The following ARHGAP10 variants were observed in gnomAD, a reference collection of about 807,000 sequenced individuals.
ARHGAP10 encodes rho GTPase-activating protein 10.
Under a neutral mutation model 108.6 loss-of-function variants are expected in ARHGAP10, and 87 were observed. That is an observed-to-expected ratio of 0.80 (90% CI 0.67 to 0.96). The LOEUF is 0.96. Among genes scored for constraint, ARHGAP10 ranks in the 40% least tolerant of loss-of-function variants. The pLI is 0.00. For synonymous variants in ARHGAP10, 347 were observed against 341.1 expected (o/e 1.02, Z -0.19); for missense variants, 939 against 954.5 (o/e 0.98, Z 0.21).
At chr4:147,784,880 A>AAATAT (rs1553949729) in intron 1 of ARHGAP10, among the ~76,000 whole-genome samples, 1 of 119,432 alleles carries the variant, frequency 8.4e-6, no homozygotes. Context: ...TATATATTAT[A>AAATAT]AATATATTAT....
chr4:147,915,342 A>G (rs543742256), intron 13 of ARHGAP10, among the ~76,000 whole-genome samples: 1 of 152,358 alleles, frequency 6.6e-6, no homozygotes, highest in East Asian at 1.9e-4. Context: ...AGAATTTCAG[A>G]AAAAATCCCT....
At chr4:147,999,251 T>C (rs1413262140) in intron 18 of ARHGAP10, among the ~76,000 whole-genome samples, 1 of 152,226 alleles carries the variant, frequency 6.6e-6, no homozygotes, top group African/African-American at 2.4e-5. Context: ...GCCAATCATC[T>C]ATCACCTGAG....
intron 3 of ARHGAP10, among the ~76,000 whole-genome samples, chr4:147,837,267 G>T (rs1733207675): frequency 6.6e-6 from 1 of 152,152 alleles, no homozygotes; most frequent in Non-Finnish European, 1.5e-5. Context: ...TTAATTAGGG[G>T]AACTCTTGTG....
chr4:147,973,157 G>A (rs542593719), intron 18 of ARHGAP10, among the ~76,000 whole-genome samples: 1 of 151,756 alleles, frequency 6.6e-6, no homozygotes, highest in South Asian at 2.1e-4. Flanking sequence ...ATTTTTTTTT[G>A]TTGTTTTTGT....
intron 18 of ARHGAP10, among the ~76,000 whole-genome samples, chr4:148,016,280 G>T (rs74318231): frequency 6.6e-6 from 1 of 152,024 alleles, no homozygotes; most frequent in African/African-American, 2.4e-5. Flanking sequence ...GGGGTGGGAG[G>T]GTCACTTGAG....
chr4:147,860,318 T>G (rs1734262671), intron 5 of ARHGAP10, among the ~76,000 whole-genome samples: 1 of 152,166 alleles, frequency 6.6e-6, no homozygotes. Flanking sequence ...GGCAGGTGCC[T>G]GCAGTCCCAG....
chr4:147,744,529 T>C (rs1728824950), intron 1 of ARHGAP10, among the ~76,000 whole-genome samples: 2 of 151,678 alleles, frequency 1.3e-5, no homozygotes, highest in Admixed American at 6.6e-5. Flanking sequence ...GTTGTGCAAA[T>C]GAATCGGAGG....
chr4:147,839,680 G>A (rs1299776302), intron 3 of ARHGAP10, among the ~76,000 whole-genome samples: 1 of 152,180 alleles, frequency 6.6e-6, no homozygotes, highest in Non-Finnish European at 1.5e-5. Context: ...TCCAGTGTGG[G>A]GGAATGTAAA....
At chr4:147,942,744 G>C (rs889748195) in intron 14 of ARHGAP10, among the ~76,000 whole-genome samples, 1 of 152,158 alleles carries the variant, frequency 6.6e-6, no homozygotes, top group African/African-American at 2.4e-5. Context: ...CCAGGTAAAG[G>C]AGCAGGCAGC....
intron 19 of ARHGAP10, among the ~76,000 whole-genome samples, chr4:148,039,596 G>T (rs563600004): frequency 1.3e-5 from 2 of 151,606 alleles, no homozygotes; most frequent in South Asian, 2.1e-4. Context: ...CACCACACCC[G>T]GCCTAGGATA....
chr4:147,757,616 C>G (rs1470023229), intron 1 of ARHGAP10, among the ~76,000 whole-genome samples: 1 of 152,198 alleles, frequency 6.6e-6, no homozygotes, highest in Non-Finnish European at 1.5e-5. Context: ...TTGACAACTT[C>G]CATCCGTTCA....
intron 19 of ARHGAP10, among the ~76,000 whole-genome samples, chr4:148,043,614 A>AATTATATAT (rs1553975364): frequency 1.8e-5 from 1 of 54,978 alleles, no homozygotes. Context: ...CCCTCTCTCT[A>AATTATATAT]ATATATATAT....
chr4:147,839,519 C>T (rs1427591367), intron 3 of ARHGAP10, among the ~76,000 whole-genome samples: 2 of 152,190 alleles, frequency 1.3e-5, no homozygotes, highest in East Asian at 3.8e-4. Context: ...CTGACTTACT[C>T]AGTTTTACCT....
At position 147,747,520 on chromosome 4, in the gene ARHGAP10, C is replaced by T. The variant is rs1234416332; in HGVS notation, c.154+15065C>T. 3.3e-5 allele frequency among the ~76,000 whole-genome samples: 5 copies of T among 152,136 alleles called. 1 individual carries two copies. Among genetic ancestry groups the T allele is most frequent in the South Asian group, 4.1e-4 (2 of 4,820 alleles). On this transcript the variant is annotated intron_variant, in intron 1 of 22. Transcript: ENST00000336498. Reference sequence around the variant, plus strand: ...TCCCTTCAGGGCTGGACACCCTGACCGCCATGGAGGTGGCCACACAGCATC... The same window carrying T: ...TCCCTTCAGGGCTGGACACCCTGACTGCCATGGAGGTGGCCACACAGCATC...
chr4:147,859,792 A>G (rs906632078), intron 5 of ARHGAP10, among the ~76,000 whole-genome samples: 16 of 152,238 alleles, frequency 1.1e-4, no homozygotes, highest in African/African-American at 3.1e-4. Context: ...GGCTCCAGCA[A>G]TTTATCAGTC....
chr4:148,010,324 T>G (rs1402509966), intron 18 of ARHGAP10, among the ~76,000 whole-genome samples: 7 of 152,230 alleles, frequency 4.6e-5, no homozygotes, highest in African/African-American at 1.7e-4. Context: ...TAAATAGCAA[T>G]GAACATTATG....
intron 5 of ARHGAP10, among the ~76,000 whole-genome samples, chr4:147,860,245 A>G (rs1389866931): frequency 1.3e-5 from 2 of 152,222 alleles, no homozygotes; most frequent in South Asian, 2.1e-4. Context: ...GATCCAGACC[A>G]TCCTGGCTAA....
chr4:147,985,109 A>G (rs1739985878), intron 18 of ARHGAP10, among the ~76,000 whole-genome samples: 1 of 152,180 alleles, frequency 6.6e-6, no homozygotes, highest in Non-Finnish European at 1.5e-5. Context: ...TCCAGGTGCC[A>G]GGAGATCTGC....
chr4:147,961,620 G>GT lies in ARHGAP10; in HGVS notation c.1451-3395dup, dbSNP rs112446557. Among the ~76,000 whole-genome samples the GT allele has an allele frequency of 7.5e-4, 112 of 149,490 alleles. 2 individuals are homozygous for GT. Among genetic ancestry groups the GT allele is most frequent in the African/African-American group, 1.8e-3 (73 of 40,612 alleles). ...CTTTACCTCTCTTTCCCATTCTCTT[G>GT]TTTTTTTTTGCTTTCTGAACAGGTG... On this transcript the variant is annotated intron_variant, in intron 16 of 22. Coordinates refer to ENST00000336498, the MANE Select transcript of ARHGAP10 (RefSeq NM_024605.4).
Sources: gnomAD v4.1 joint callset for allele counts (sites outside exome capture counted in the v4.1 genomes callset) on GRCh38, gnomAD v4.1.1 for gene constraint, MANE v1.5 for transcripts, NCBI Gene and HGNC (gene_info 2026-07-23, HGNC 2026-07-21) for gene names.